ANKIB1: variants seen among roughly 807,000 people sequenced by gnomAD.
ANKIB1 encodes ankyrin repeat and IBR domain-containing protein 1.
A neutral mutation model predicts 122.1 loss-of-function variants in ANKIB1; 43 were observed. That is an observed-to-expected ratio of 0.35 (90% CI 0.28 to 0.45). The LOEUF (loss-of-function observed/expected upper bound fraction) is 0.45, where lower values mean the gene tolerates loss of function less well. Ranked by LOEUF, ANKIB1 falls within the 20% of genes least tolerant of loss-of-function variation. The pLI, the probability that ANKIB1 is intolerant of heterozygous loss-of-function variation, is 1.00. For missense variants in ANKIB1, 992 were observed against 1,329.5 expected, an observed-to-expected ratio of 0.75 and a Z score of 3.95; for synonymous variants, 390 against 442.0, an observed-to-expected ratio of 0.88 and a Z score of 1.48.
At chr7:92,290,615 A>T (rs1314925000) in intron 1 of ANKIB1, among the ~76,000 whole-genome samples, 4 of 152,206 alleles carry the variant, frequency 2.6e-5, no homozygotes, top group Non-Finnish European at 5.9e-5. Flanking sequence ...TTTACTAAAA[A>T]TACTTTTATG....
chr7:92,278,084 CAAAA>C (rs78314221), intron 1 of ANKIB1, among the ~76,000 whole-genome samples: 1 of 119,788 alleles, frequency 8.3e-6, no homozygotes, highest in Admixed American at 8.5e-5. Flanking sequence ...AACTCTGTGT[CAAAA>C]AAAAAAAAAA....
intron 2 of ANKIB1, among the ~76,000 whole-genome samples, chr7:92,306,744 T>G (rs1397318820): frequency 6.6e-6 from 1 of 152,198 alleles, no homozygotes; most frequent in Non-Finnish European, 1.5e-5. Flanking sequence ...GTTTATGATA[T>G]TTTTATAATA....
At chr7:92,347,988 T>C in intron 7 of ANKIB1, 1 of 449,814 alleles carries the variant, frequency 2.2e-6, no homozygotes, top group Non-Finnish European at 4.5e-6. Context: ...ATATCATCTG[T>C]GAATTTTACC....
chr7:92,263,387 A>C (rs960683811), intron 1 of ANKIB1, among the ~76,000 whole-genome samples: 5 of 152,204 alleles, frequency 3.3e-5, no homozygotes, highest in African/African-American at 1.2e-4. Context: ...AAGATAAATG[A>C]TACTGTGTTA....
intron 1 of ANKIB1, among the ~76,000 whole-genome samples, chr7:92,281,790 C>T (rs1204461438): frequency 6.6e-6 from 1 of 152,094 alleles, no homozygotes; most frequent in Non-Finnish European, 1.5e-5. Context: ...ATAATCTAAA[C>T]AGTTTTGTAC....
chr7:92,320,593 A>G (rs1802886739), intron 4 of ANKIB1, among the ~76,000 whole-genome samples: 1 of 152,144 alleles, frequency 6.6e-6, no homozygotes, highest in African/African-American at 2.4e-5. Context: ...TTTCTTAATC[A>G]TCACATCCAA....
At chr7:92,376,307 C>T (rs1229183751) in intron 11 of ANKIB1, among the ~76,000 whole-genome samples, 3 of 152,196 alleles carry the variant, frequency 2.0e-5, no homozygotes, top group Non-Finnish European at 4.4e-5. Context: ...CTGTCTCCTA[C>T]TAGAAAGCAG....
chr7:92,300,832 C>T (rs1014124905), intron 2 of ANKIB1, among the ~76,000 whole-genome samples: 1 of 151,814 alleles, frequency 6.6e-6, no homozygotes, highest in Non-Finnish European at 1.5e-5. Context: ...AAATTTGTAC[C>T]CTTTGACGAA....
chr7:92,291,586 TTTG>T (rs1802251389), intron 1 of ANKIB1, among the ~76,000 whole-genome samples: 1 of 149,200 alleles, frequency 6.7e-6, no homozygotes, highest in Admixed American at 6.6e-5. Context: ...TTTTTTTTTT[TTTG>T]AGACAGAGTC....
chr7:92,357,832 G>A (rs1472688968), intron 9 of ANKIB1, among the ~76,000 whole-genome samples: 1 of 151,728 alleles, frequency 6.6e-6, no homozygotes, highest in Non-Finnish European at 1.5e-5. Flanking sequence ...TCTTCCCTAC[G>A]TTGATCATCT....
chr7:92,352,160 A>G (rs891098940), intron 8 of ANKIB1, among the ~76,000 whole-genome samples: 4 of 152,250 alleles, frequency 2.6e-5, no homozygotes, highest in Admixed American at 6.5e-5. Flanking sequence ...ATTGTATGAG[A>G]AAACATTTTA....
intron 17 of ANKIB1, among the ~76,000 whole-genome samples, chr7:92,392,601 A>G (rs900239650): frequency 6.6e-6 from 1 of 152,122 alleles, no homozygotes; most frequent in East Asian, 1.9e-4. Flanking sequence ...TTAGAAATGC[A>G]TTTCTAGTCA....
chr7:92,368,081 A>G (rs1316627935), intron 10 of ANKIB1, among the ~76,000 whole-genome samples: 1 of 152,124 alleles, frequency 6.6e-6, no homozygotes, highest in East Asian at 1.9e-4. Flanking sequence ...TCTTGAGCCC[A>G]GAAGTTGAAG....
At chr7:92,276,490 G>C (rs902275647) in intron 1 of ANKIB1, among the ~76,000 whole-genome samples, 3 of 152,208 alleles carry the variant, frequency 2.0e-5, no homozygotes, top group African/African-American at 7.2e-5. Context: ...GGCCAGTCTT[G>C]CAAGGAGGCC....
chr7:92,284,650 T>C (rs1000221807), intron 1 of ANKIB1, among the ~76,000 whole-genome samples: 3 of 152,224 alleles, frequency 2.0e-5, no homozygotes, highest in Admixed American at 1.3e-4. Flanking sequence ...TTCCTTCTTT[T>C]ACCTTTCTTC....
At chr7:92,338,015 A>G (rs528567128) in intron 5 of ANKIB1, among the ~76,000 whole-genome samples, 1 of 152,286 alleles carries the variant, frequency 6.6e-6, no homozygotes, top group African/African-American at 2.4e-5. Context: ...CTAAGAAAAT[A>G]ACAATGAGAA....
intron 5 of ANKIB1, among the ~76,000 whole-genome samples, chr7:92,338,926 AAAAAAAAATATATATATAT>A (rs1300634999): frequency 1.7e-5 from 1 of 58,834 alleles, no homozygotes; most frequent in Non-Finnish European, 3.4e-5. Flanking sequence ...AAAAAAAAAA[AAAAAAAAATATATATATAT>A]ATATATATAT....
At chr7:92,296,132 C>T (rs1396728163) in intron 2 of ANKIB1, among the ~76,000 whole-genome samples, 1 of 152,050 alleles carries the variant, frequency 6.6e-6, no homozygotes, top group Non-Finnish European at 1.5e-5. Context: ...CCAAAACATG[C>T]CGTGAGGTTT....
rs1266667223 is a variant in ANKIB1 at position 92,381,214 on chromosome 7, G to A, written c.1618-5295G>A. 5.9e-5 allele frequency among the ~76,000 whole-genome samples: 9 copies of A among 152,216 alleles called. No individual in the cohort carries two copies. In the South Asian group the frequency reaches 8.3e-4, roughly 14 times the overall value. On this transcript the variant is annotated intron_variant, in intron 11 of 19. Transcript: ENST00000265742. ...GAAAAAAGAGTAAAAAGAAATGAAC[G>A]AAGCCTCCAAGAAATAAGAGACTGT... is the stretch of plus-strand genomic sequence containing the variant.
Sources: gnomAD v4.1 joint callset for allele counts (sites outside exome capture counted in the v4.1 genomes callset) on GRCh38, gnomAD v4.1.1 for gene constraint, MANE v1.5 for transcripts, NCBI Gene and HGNC (gene_info 2026-07-23, HGNC 2026-07-21) for gene names.